Variants in SAMD3 observed in about 807,000 individuals in gnomAD.
The protein encoded by SAMD3 is sterile alpha motif domain containing 3.
Under a neutral mutation model 58.5 loss-of-function variants are expected in SAMD3, and 63 were observed. The ratio of observed to expected loss-of-function variants is 1.08; its 90% confidence interval spans 0.88 to 1.33. The LOEUF (loss-of-function observed/expected upper bound fraction) is 1.33, where lower values mean the gene tolerates loss of function less well. Ranked by LOEUF, SAMD3 falls within the 40% of genes most tolerant of loss-of-function variation. The pLI, the probability that SAMD3 is intolerant of heterozygous loss-of-function variation, is 0.00. For missense variants in SAMD3, 604 were observed against 608.4 expected, an observed-to-expected ratio of 0.99 and a Z score of 0.08; for synonymous variants, 220 against 210.3, an observed-to-expected ratio of 1.05 and a Z score of -0.40.
intron 8 of SAMD3, among the ~76,000 whole-genome samples, chr6:130,171,148 A>C (rs1199097752): frequency 6.6e-6 from 1 of 152,222 alleles, no homozygotes. Context: ...TTTAGCATCA[A>C]GCGATGTTGA....
chr6:130,191,624 CTTT>C (rs5880007), intron 5 of SAMD3, among the ~76,000 whole-genome samples: 29 of 144,186 alleles, frequency 2.0e-4, no homozygotes, highest in African/African-American at 3.3e-4. Flanking sequence ...TGCTTCCTTC[CTTT>C]TTTTTTTTTT....
chr6:130,196,162 C>T (rs1794092457), intron 5 of SAMD3, among the ~76,000 whole-genome samples: 1 of 152,154 alleles, frequency 6.6e-6, no homozygotes, highest in South Asian at 2.1e-4. Flanking sequence ...GGCTGACCAT[C>T]ATGTCTCCGT....
intron 1 of SAMD3, among the ~76,000 whole-genome samples, chr6:130,337,961 G>T (rs1777152510): frequency 6.6e-6 from 1 of 152,206 alleles, no homozygotes; most frequent in Admixed American, 6.5e-5. Context: ...TAAATAACAA[G>T]GTATCAAATG....
At chr6:130,150,682 C>G (rs1789074446) in intron 9 of SAMD3, among the ~76,000 whole-genome samples, 1 of 150,586 alleles carries the variant, frequency 6.6e-6, no homozygotes, top group African/African-American at 2.4e-5. Flanking sequence ...CTGAGGTGTT[C>G]TGCAGGGTCT....
chr6:130,153,245 G>A (rs1032769987), intron 9 of SAMD3, among the ~76,000 whole-genome samples: 1 of 152,160 alleles, frequency 6.6e-6, no homozygotes, highest in Non-Finnish European at 1.5e-5. Context: ...AGCCAGAGAT[G>A]ACTGGCTATT....
chr6:130,249,570 A>T (rs539721122), intron 2 of SAMD3, among the ~76,000 whole-genome samples: 2 of 152,250 alleles, frequency 1.3e-5, no homozygotes, highest in African/African-American at 4.8e-5. Context: ...TATTATACAG[A>T]ATTAAGGAAA....
intron 1 of SAMD3, among the ~76,000 whole-genome samples, chr6:130,341,792 C>T (rs1777284009): frequency 6.6e-6 from 1 of 152,096 alleles, no homozygotes; most frequent in Non-Finnish European, 1.5e-5. Context: ...AAATAAATGG[C>T]TAAAGGATGA....
intron 1 of SAMD3, among the ~76,000 whole-genome samples, chr6:130,336,196 T>C (rs1376121123): frequency 2.0e-5 from 3 of 152,174 alleles, no homozygotes; most frequent in African/African-American, 7.2e-5. Flanking sequence ...AATTTAGTAA[T>C]ACAATGTATT....
At chr6:130,291,908 A>G (rs1775375516) in intron 2 of SAMD3, among the ~76,000 whole-genome samples, 1 of 152,208 alleles carries the variant, frequency 6.6e-6, no homozygotes, top group African/African-American at 2.4e-5. Context: ...GCCTTTATAT[A>G]TTATGTCTAA....
chr6:130,207,980 C>G (rs1459193380), intron 5 of SAMD3, among the ~76,000 whole-genome samples: 1 of 152,234 alleles, frequency 6.6e-6, no homozygotes, highest in African/African-American at 2.4e-5. Flanking sequence ...AAGGCTGTTG[C>G]CCTCAGTCCC....
intron 1 of SAMD3, among the ~76,000 whole-genome samples, chr6:130,348,459 C>T (rs1321033040): frequency 6.6e-6 from 1 of 152,050 alleles, no homozygotes; most frequent in Non-Finnish European, 1.5e-5. Flanking sequence ...TTTAAACCAA[C>T]AAAGATCAAA....
At chr6:130,357,336 G>A (rs928070759) in intron 1 of SAMD3, among the ~76,000 whole-genome samples, 14 of 152,008 alleles carry the variant, frequency 9.2e-5, no homozygotes, top group Admixed American at 2.6e-4. Context: ...GTGTTAGCCA[G>A]GATGGTCTTG....
At chr6:130,263,032 CA>C (rs1403142856) in intron 2 of SAMD3, among the ~76,000 whole-genome samples, 1 of 152,066 alleles carries the variant, frequency 6.6e-6, no homozygotes, top group African/African-American at 2.4e-5. Flanking sequence ...TAAATGTCTA[CA>C]AGGTTTTATT....
At chr6:130,361,282 T>TA (rs1777982152) in intron 1 of SAMD3, among the ~76,000 whole-genome samples, 1 of 152,212 alleles carries the variant, frequency 6.6e-6, no homozygotes, top group Non-Finnish European at 1.5e-5. Flanking sequence ...GGGGAACTAA[T>TA]AAATGTCCAT....
intron 2 of SAMD3, among the ~76,000 whole-genome samples, chr6:130,288,028 G>T (rs918705793): frequency 1.3e-5 from 2 of 152,042 alleles, no homozygotes; most frequent in African/African-American, 4.8e-5. Flanking sequence ...GCTATAAGCA[G>T]CCAGTGTGTT....
intron 8 of SAMD3, among the ~76,000 whole-genome samples, chr6:130,170,469 C>T (rs1427755567): frequency 6.6e-6 from 1 of 152,128 alleles, no homozygotes; most frequent in African/African-American, 2.4e-5. Context: ...GGGTTGGTTC[C>T]AAGTCTTTGC....
At chr6:130,190,867 A>G (rs1793477785) in intron 5 of SAMD3, among the ~76,000 whole-genome samples, 1 of 152,044 alleles carries the variant, frequency 6.6e-6, no homozygotes, top group Non-Finnish European at 1.5e-5. Context: ...GAACCAAGAC[A>G]TAGTTGAAGG....
At chr6:130,332,136 T>C (rs1197717986) in intron 1 of SAMD3, among the ~76,000 whole-genome samples, 1 of 152,212 alleles carries the variant, frequency 6.6e-6, no homozygotes, top group African/African-American at 2.4e-5. Context: ...CTTGTGGCAT[T>C]CTTTGGAGTA....
intron 2 of SAMD3, among the ~76,000 whole-genome samples, chr6:130,232,529 C>T (rs1053325137): frequency 1.3e-5 from 2 of 152,124 alleles, no homozygotes; most frequent in Non-Finnish European, 2.9e-5. Flanking sequence ...ATATATCTAC[C>T]TGTCAGCACA....
Sources: gnomAD v4.1 joint callset for allele counts (sites outside exome capture counted in the v4.1 genomes callset) on GRCh38, gnomAD v4.1.1 for gene constraint, MANE v1.5 for transcripts, NCBI Gene and HGNC (gene_info 2026-07-23, HGNC 2026-07-21) for gene names.